The following HP1BP3 variants were observed in gnomAD, a reference collection of about 807,000 sequenced individuals.
The protein encoded by HP1BP3 is heterochromatin protein 1 binding protein 3.
Under a neutral mutation model 62.5 loss-of-function variants are expected in HP1BP3, and 12 were observed. The ratio of observed to expected loss-of-function variants is 0.19; its 90% CI spans 0.12 to 0.31. The LOEUF is 0.31. Ranked by LOEUF, HP1BP3 falls within the 10% of genes least tolerant of loss-of-function variation. HP1BP3 has a pLI of 1.00. For synonymous variants in HP1BP3, 260 were observed against 237.8 expected, an observed-to-expected ratio of 1.09 and a Z score of -0.86; for missense variants, 502 against 651.8, an observed-to-expected ratio of 0.77 and a Z score of 2.50.
Position 20,776,682 on chromosome 1 carries a change from TAGC to T in HP1BP3, c.262_264del (p.Ala88del). On this transcript the variant is annotated inframe_deletion, in exon 4 of 13. Coordinates refer to ENST00000438032, the MANE Select transcript of HP1BP3 (RefSeq NM_001372052.1). ...TTTGGCTGCTCTGCCTCACTCGAAG[TAGC>T]AGGTGGAGTTTCATTCTCTTGTTCT... 6.2e-7 allele frequency: 1 copy of T among 1,613,938 alleles called. No individual in the cohort carries two copies. Among genetic ancestry groups the T allele is most frequent in the East Asian group, 2.2e-5 (1 of 44,858 alleles).
intron 9 of HP1BP3, among the ~76,000 whole-genome samples, chr1:20,753,514 T>C (rs879488285): frequency 3.3e-5 from 5 of 152,218 alleles, no homozygotes; most frequent in Non-Finnish European, 1.5e-5. Flanking sequence ...TAATTTTTGT[T>C]GTCGTATATA....
chr1:20,779,260 G>T (rs1275167122), intron 3 of HP1BP3, among the ~76,000 whole-genome samples: 1 of 152,070 alleles, frequency 6.6e-6, no homozygotes, highest in East Asian at 1.9e-4. Context: ...AAATAAAGAC[G>T]GGAAAAGGAG....
intron 10 of HP1BP3, among the ~76,000 whole-genome samples, chr1:20,748,008 T>C (rs1209892834): frequency 1.3e-5 from 2 of 151,856 alleles, no homozygotes; most frequent in African/African-American, 4.8e-5. Flanking sequence ...TGAGCCACCA[T>C]ACCTGGCAAG....
In HP1BP3 at chr1:20,742,412, A is replaced by C. The variant is rs188276820; in HGVS notation, c.*2385T>G. Among the ~76,000 whole-genome samples the C allele has an allele frequency of 3.3e-5, 5 of 152,292 alleles. No homozygotes were observed. The East Asian group carries it at 9.6e-4, about 29-fold the overall frequency. ...TTGAACATTTATTGAACATGATTGT[A>C]CTCTATGATCTTGGAAGCAGTCTTT... On this transcript the variant is annotated 3_prime_UTR_variant, in exon 13 of 13. Coordinates refer to ENST00000438032, the MANE Select transcript of HP1BP3 (RefSeq NM_001372052.1).
rs908843851 is a variant in HP1BP3 at position 20,740,918 on chromosome 1, T to C, written c.*3879A>G. On this transcript the variant is annotated 3_prime_UTR_variant, in exon 13 of 13. Transcript: ENST00000438032. ...AGGGGTACTGTTTAACCATCTGTAATGGCTTCTAAACAAATCTTTGTCAAG... is the reference window on the plus strand; with the variant it reads ...AGGGGTACTGTTTAACCATCTGTAACGGCTTCTAAACAAATCTTTGTCAAG... Among the ~76,000 whole-genome samples, 1 of 152,248 alleles carries C rather than the reference T, an allele frequency of 6.6e-6. No individual in the cohort carries two copies. The highest frequency in any genetic ancestry group is 2.4e-5 in the African/African-American group (1 of 41,472).
chr1:20,781,537 G>T (rs1163000127), intron 1 of HP1BP3, among the ~76,000 whole-genome samples: 1 of 152,220 alleles, frequency 6.6e-6, no homozygotes, highest in African/African-American at 2.4e-5. Context: ...TTGTCAGTCA[G>T]CTGCAAGGAA....
At position 20,743,480 on chromosome 1, in the gene HP1BP3, G is replaced by A. The variant is rs758197463; in HGVS notation, c.*1317C>T. ...AGATCGAGACCATCCTGGCTAACATGGTGAAACCCCAACTCTACTAAAAAT... is the reference window on the plus strand; with the variant it reads ...AGATCGAGACCATCCTGGCTAACATAGTGAAACCCCAACTCTACTAAAAAT... On this transcript the variant is annotated 3_prime_UTR_variant, in exon 13 of 13. Transcript: ENST00000438032. 6.6e-6 allele frequency: 1 copy of A among 151,934 alleles called. No homozygotes were observed. Among genetic ancestry groups the A allele is most frequent in the Non-Finnish European group, 1.5e-5 (1 of 68,032 alleles). The allele number at this position is 151,934 out of a possible 1,614,324, so 9.4% of individuals were successfully genotyped here.
intron 3 of HP1BP3, among the ~76,000 whole-genome samples, chr1:20,778,953 A>T (rs941804572): frequency 6.6e-6 from 1 of 151,882 alleles, no homozygotes; most frequent in African/African-American, 2.4e-5. Context: ...CCATGCCCAG[A>T]TAATGTTTAT....
chr1:20,741,199 C>A lies in HP1BP3; in HGVS notation c.*3598G>T, dbSNP rs969346585. ...TTAATCAGGTTCCAAAGATAGGAGACCTTAACTATAATCCCAAATTTTTAA... is the reference window on the plus strand; with the variant it reads ...TTAATCAGGTTCCAAAGATAGGAGAACTTAACTATAATCCCAAATTTTTAA... On this transcript the variant is annotated 3_prime_UTR_variant, in exon 13 of 13. Coordinates refer to ENST00000438032, the MANE Select transcript of HP1BP3 (RefSeq NM_001372052.1). Among the ~76,000 whole-genome samples, 1 of 152,158 alleles carries A rather than the reference C, an allele frequency of 6.6e-6. No individual in the cohort carries two copies. The highest frequency in any genetic ancestry group is 2.4e-5 in the African/African-American group (1 of 41,430).
rs377578392 is a variant in HP1BP3 at position 20,776,665 on chromosome 1, C to T, written c.282G>A (p.Glu94=). Residue 94 remains glutamate (E), a synonymous_variant, in exon 4 of 13, where the codon GAG becomes GAA. Coordinates refer to ENST00000438032, the MANE Select transcript of HP1BP3 (RefSeq NM_001372052.1). The part of the protein sequence containing the change: ...ETPPATSSEA[E]QPKGEPENEE... ...CATTCTCAGGTTCCCCCTTTGGCTG[C>T]TCTGCCTCACTCGAAGTAGCAGGTG... The T allele has an allele frequency of 3.1e-6, 5 of 1,613,986 alleles. No individual in the cohort carries two copies. The highest frequency in any genetic ancestry group is 2.2e-5 in the South Asian group (2 of 91,046).
intron 9 of HP1BP3, 112 bp from the exon 10 acceptor site, chr1:20,749,994 G>A: frequency 1.4e-6 from 2 of 1,480,086 alleles, no homozygotes; most frequent in Non-Finnish European, 1.8e-6. Flanking sequence ...GCACAGATAT[G>A]TTTTACAATA....
At chr1:20,768,820 T>TC (rs1161611121) in intron 6 of HP1BP3, among the ~76,000 whole-genome samples, 1 of 151,378 alleles carries the variant, frequency 6.6e-6, no homozygotes, top group Admixed American at 6.6e-5. Context: ...AGAGCGAGAC[T>TC]CCATCTCAAA....
intron 1 of HP1BP3, among the ~76,000 whole-genome samples, chr1:20,781,906 G>A (rs1191036850): frequency 1.3e-5 from 2 of 152,206 alleles, no homozygotes; most frequent in Non-Finnish European, 2.9e-5. Flanking sequence ...GATGGCAGGC[G>A]TGACCCACCG....
intron 3 of HP1BP3, among the ~76,000 whole-genome samples, chr1:20,777,461 A>T (rs1343029104): frequency 6.6e-6 from 1 of 151,598 alleles, no homozygotes; most frequent in African/African-American, 2.4e-5. Context: ...TTATTTATTT[A>T]TTTATTTTTT....
intron 7 of HP1BP3, 141 bp from the exon 8 acceptor site, chr1:20,765,672 T>C (rs1296651719): frequency 1.5e-6 from 1 of 669,356 alleles, no homozygotes; most frequent in Non-Finnish European, 2.5e-6. Context: ...ATGGACAGCA[T>C]TAAAAATACA....
At chr1:20,781,827 T>C (rs1452991442) in intron 1 of HP1BP3, among the ~76,000 whole-genome samples, 1 of 152,154 alleles carries the variant, frequency 6.6e-6, no homozygotes, top group Non-Finnish European at 1.5e-5. Context: ...GGTTTCACCA[T>C]GTTGGTCAGG....
intron 6 of HP1BP3, among the ~76,000 whole-genome samples, chr1:20,770,535 G>A (rs975779166): frequency 5.3e-5 from 8 of 151,928 alleles, no homozygotes; most frequent in African/African-American, 1.9e-4. Context: ...GGCTGGTCTC[G>A]AACTCCTGGG....
chr1:20,787,291 C>T lies in HP1BP3; in HGVS notation c.-197G>A, dbSNP rs1332152688. 6.6e-6 allele frequency: 1 copy of T among 150,692 alleles called. No individual in the cohort carries two copies. The highest frequency in any genetic ancestry group is 1.5e-5 in the Non-Finnish European group (1 of 67,376). 9.3% of individuals were successfully genotyped at this position (150,692 alleles called of 1,614,324 possible). ...GCCTCCGCCACCGCTGTCCTCCAGT[C>T]CCAGCCGCCGAGCTCTGCCGCCCCG... On this transcript the variant is annotated 5_prime_UTR_variant, in exon 1 of 13. Coordinates refer to ENST00000438032, the MANE Select transcript of HP1BP3 (RefSeq NM_001372052.1).
intron 8 of HP1BP3, among the ~76,000 whole-genome samples, chr1:20,759,596 T>C (rs2056339279): frequency 6.6e-6 from 1 of 152,218 alleles, no homozygotes; most frequent in Admixed American, 6.5e-5. Context: ...GCTGGCACCC[T>C]GATCTCAGAC....
Sources: gnomAD v4.1 joint callset for allele counts (sites outside exome capture counted in the v4.1 genomes callset) on GRCh38, gnomAD v4.1.1 for gene constraint, MANE v1.5 for transcripts, NCBI Gene and HGNC (gene_info 2026-07-23, HGNC 2026-07-21) for gene names.